Variants in CD226 observed in about 807,000 individuals in gnomAD.
The protein encoded by CD226 is CD226 molecule.
In CD226, 24 loss-of-function variants were observed where a neutral mutation model predicts 34.9. The observed-to-expected ratio is 0.69, with a 90% confidence interval of 0.50 to 0.97. The LOEUF is 0.97. Among genes scored for constraint, CD226 ranks in the 50% least tolerant of loss-of-function variants. CD226 has a pLI of 0.00. For missense variants in CD226, 397 were observed against 412.7 expected (o/e 0.96, Z 0.33); for synonymous variants, 148 against 147.4 (o/e 1.00, Z -0.03).
At chr18:69,890,028 A>G (rs1194428372) in intron 3 of CD226, among the ~76,000 whole-genome samples, 1 of 152,222 alleles carries the variant, frequency 6.6e-6, no homozygotes, top group Non-Finnish European at 1.5e-5. Flanking sequence ...TTTTTCTCCA[A>G]TCACTGTAGT....
chr18:69,950,538 C>T (rs1406835140), upstream of CD226, among the ~76,000 whole-genome samples: 3 of 152,074 alleles, frequency 2.0e-5, no homozygotes, highest in Admixed American at 1.3e-4. Context: ...GAAAGGCTCT[C>T]GGGCAGTGAA....
chr18:69,937,794 T>C (rs932932282), intron 2 of CD226, among the ~76,000 whole-genome samples: 2 of 152,190 alleles, frequency 1.3e-5, no homozygotes, highest in Non-Finnish European at 2.9e-5. Context: ...ATGTTGGCCA[T>C]GCTGCCCTCA....
intron 2 of CD226, among the ~76,000 whole-genome samples, chr18:69,908,327 G>A (rs939747119): frequency 7.9e-5 from 12 of 152,196 alleles, no homozygotes; most frequent in Non-Finnish European, 5.9e-5. Flanking sequence ...AAGCTTGCCA[G>A]TTAATTGTAG....
intron 2 of CD226, among the ~76,000 whole-genome samples, chr18:69,900,101 TA>T (rs1313649007): frequency 1.3e-5 from 2 of 152,158 alleles, no homozygotes; most frequent in Non-Finnish European, 2.9e-5. Context: ...TATGCAGCCA[TA>T]AAAAAGAATG....
At chr18:69,920,671 T>C (rs999663175) in intron 2 of CD226, among the ~76,000 whole-genome samples, 4 of 152,242 alleles carry the variant, frequency 2.6e-5, no homozygotes, top group African/African-American at 7.2e-5. Flanking sequence ...TGAGGCACGA[T>C]GTGTGATAAA....
At chr18:69,901,662 G>A (rs1001534885) in intron 2 of CD226, among the ~76,000 whole-genome samples, 7 of 151,984 alleles carry the variant, frequency 4.6e-5, no homozygotes, top group African/African-American at 2.4e-5. Context: ...GGCAGATCAC[G>A]AGGTCAGGAG....
At chr18:69,879,253 C>G (rs143912264) in intron 3 of CD226, among the ~76,000 whole-genome samples, 3 of 152,130 alleles carry the variant, frequency 2.0e-5, no homozygotes, top group African/African-American at 7.2e-5. Context: ...GACTAGAATT[C>G]GCCAGGCTGG....
intron 2 of CD226, among the ~76,000 whole-genome samples, chr18:69,918,726 G>A (rs551482212): frequency 9.2e-5 from 14 of 152,290 alleles, no homozygotes; most frequent in Non-Finnish European, 1.6e-4. Flanking sequence ...AGTAGGAAAG[G>A]AGCCAGATAG....
At chr18:69,886,622 C>T (rs1984572172) in intron 3 of CD226, among the ~76,000 whole-genome samples, 1 of 152,036 alleles carries the variant, frequency 6.6e-6, no homozygotes, top group African/African-American at 2.4e-5. Context: ...AGAAGAATCG[C>T]TTGAACCCAG....
chr18:69,865,053 C>T (rs183003543), intron 5 of CD226, among the ~76,000 whole-genome samples: 25 of 152,160 alleles, frequency 1.6e-4, no homozygotes, highest in Non-Finnish European at 2.9e-4. Context: ...AGTGCAGTGG[C>T]GCAATCTAGG....
At chr18:69,931,420 C>T (rs2055588228) in intron 2 of CD226, among the ~76,000 whole-genome samples, 1 of 151,002 alleles carries the variant, frequency 6.6e-6, no homozygotes, top group Non-Finnish European at 1.5e-5. Context: ...AAAGTAATGA[C>T]AGGAAGAAAA....
At chr18:69,957,249 T>C (rs910348163), upstream of CD226, 2 of 152,232 alleles carry the variant, frequency 1.3e-5, no homozygotes, top group African/African-American at 2.4e-5. Context: ...TGTTTTTTCC[T>C]GCCAATCAAA....
chr18:69,888,614 A>C (rs2145224880), intron 3 of CD226, among the ~76,000 whole-genome samples: 1 of 152,202 alleles, frequency 6.6e-6, no homozygotes, highest in African/African-American at 2.4e-5. Context: ...CCTGACTTGT[A>C]GTCTAAGTTC....
chr18:69,938,243 A>G (rs752098199), intron 2 of CD226, among the ~76,000 whole-genome samples: 1 of 152,148 alleles, frequency 6.6e-6, no homozygotes, highest in Non-Finnish European at 1.5e-5. Flanking sequence ...TATGAGTTCT[A>G]TGTGTCTTCT....
At chr18:69,885,771 A>G (rs1984520949) in intron 3 of CD226, among the ~76,000 whole-genome samples, 1 of 152,034 alleles carries the variant, frequency 6.6e-6, no homozygotes, top group Non-Finnish European at 1.5e-5. Context: ...CCTGTCCCTC[A>G]TGGCACTGTG....
At chr18:69,901,341 T>C (rs912860998) in intron 2 of CD226, among the ~76,000 whole-genome samples, 2 of 152,212 alleles carry the variant, frequency 1.3e-5, no homozygotes, top group Non-Finnish European at 2.9e-5. Flanking sequence ...GATGGTATCA[T>C]GTTTATGTTA....
chr18:69,961,421 G>A (rs866742281), upstream of CD226, among the ~76,000 whole-genome samples: 1 of 152,070 alleles, frequency 6.6e-6, no homozygotes, highest in Admixed American at 6.6e-5. Context: ...GGCACTTATT[G>A]ACGGCACTCT....
chr18:69,867,459 CTAATAT>C (rs773940747), intron 4 of CD226, 48 bp from the exon 5 acceptor site: 2 of 1,213,128 alleles, frequency 1.6e-6, no homozygotes, highest in African/African-American at 3.0e-5. Context: ...TATTCCAGTA[CTAATAT>C]TATTTCGAAG....
At chr18:69,931,769 C>T (rs2055592168) in intron 2 of CD226, among the ~76,000 whole-genome samples, 2 of 152,248 alleles carry the variant, frequency 1.3e-5, no homozygotes, top group South Asian at 4.1e-4. Flanking sequence ...TATGCCCCAT[C>T]TGCTTTATCC....
Sources: gnomAD v4.1 joint callset for allele counts (sites outside exome capture counted in the v4.1 genomes callset) on GRCh38, gnomAD v4.1.1 for gene constraint, MANE v1.5 for transcripts, NCBI Gene and HGNC (gene_info 2026-07-23, HGNC 2026-07-21) for gene names.